CEP43: variants seen among roughly 807,000 people sequenced by gnomAD.
The protein encoded by CEP43 is centrosomal protein 43.
In CEP43, 36 loss-of-function variants were observed where a neutral mutation model predicts 52.6. That is an observed-to-expected ratio of 0.68 (90% CI 0.52 to 0.90). The LOEUF (loss-of-function observed/expected upper bound fraction) is 0.90. CEP43 is among the 40% of genes least tolerant of loss of function. The pLI is 0.00. For missense variants in CEP43, 506 were observed against 472.8 expected (o/e 1.07, Z -0.65); for synonymous variants, 192 against 172.4 (o/e 1.11, Z -0.89).
At chr6:167,002,421 A>G (rs1040035037) in intron 2 of CEP43, among the ~76,000 whole-genome samples, 1 of 152,226 alleles carries the variant, frequency 6.6e-6, no homozygotes, top group Non-Finnish European at 1.5e-5. Flanking sequence ...ATTACAAATA[A>G]GGTTTCTGTG....
Position 167,004,378 on chromosome 6 carries a change from GA to G in CEP43, c.420del (p.Pro142GlnfsTer89). 1.3e-6 allele frequency: 2 copies of G among 1,596,596 alleles called. No individual in the cohort carries two copies. The highest frequency in any genetic ancestry group is 8.5e-7 in the Non-Finnish European group (1 of 1,172,520). On this transcript the variant is annotated frameshift_variant, in exon 5 of 13. Coordinates refer to ENST00000366847, the MANE Select transcript of CEP43 (RefSeq NM_007045.4). LOFTEE classifies it high-confidence loss of function. ...AGTGATCAGGCGCTGTCAACAGAAA[GA>G]AAAAGGGCCAACCACTGGGGAAGTA... ...LEVIRRCQQK[E>X]KGPTTGEGAL...
intron 5 of CEP43, among the ~76,000 whole-genome samples, chr6:167,009,499 C>CAAAAAAAAAAAAAAAAAA (rs139374939): frequency 2.3e-5 from 1 of 44,126 alleles, no homozygotes; most frequent in Non-Finnish European, 3.6e-5. Flanking sequence ...GACTCTGTCT[C>CAAAAAAAAAAAAAAAAAA]AAAAAAAAAA....
chr6:167,019,413 ATCTT>A (rs1780176452), intron 7 of CEP43, among the ~76,000 whole-genome samples: 1 of 152,150 alleles, frequency 6.6e-6, no homozygotes, highest in Non-Finnish European at 1.5e-5. Flanking sequence ...TTGATGACAA[ATCTT>A]TCTCCTCTTC....
intron 10 of CEP43, among the ~76,000 whole-genome samples, chr6:167,030,172 T>C (rs1352459061): frequency 6.6e-6 from 1 of 152,240 alleles, no homozygotes; most frequent in Admixed American, 6.5e-5. Context: ...TTGAATTGGC[T>C]ACAAATGCTG....
Position 167,040,029 on chromosome 6 carries a change from C to T in CEP43, c.*51C>T. On this transcript the variant is annotated 3_prime_UTR_variant, in exon 13 of 13. Coordinates refer to ENST00000366847, the MANE Select transcript of CEP43 (RefSeq NM_007045.4). ...AACAAGGACAGAGGACTGACCGGTT[C>T]CATTTTTTTTTTTTCCAGACAATCA... The T allele has an allele frequency of 6.6e-7, 1 of 1,516,840 alleles. No homozygotes were observed. Among genetic ancestry groups the T allele is most frequent in the Non-Finnish European group, 8.9e-7 (1 of 1,129,676 alleles). 94.0% of individuals were successfully genotyped at this position (1,516,840 alleles called of 1,614,324 possible).
Position 167,033,861 on chromosome 6 carries a change from C to T in CEP43, c.1029-14C>T. ...TTTCAGAGTTCTTATTTTTTTTTCC[C>T]CTTCTGAAATTAGTACCAGCCATCG... On this transcript the variant is annotated splice_polypyrimidine_tract_variant and intron_variant, in intron 11 of 12. Coordinates refer to ENST00000366847, the MANE Select transcript of CEP43 (RefSeq NM_007045.4). 3.7e-6 allele frequency: 5 copies of T among 1,351,378 alleles called. No homozygotes were observed. Among genetic ancestry groups the T allele is most frequent in the Middle Eastern group, 1.8e-4 (1 of 5,418 alleles). 83.7% of individuals were successfully genotyped at this position (1,351,378 alleles called of 1,614,324 possible).
At chr6:167,015,162 G>C (rs1292591460) in intron 7 of CEP43, among the ~76,000 whole-genome samples, 1 of 146,118 alleles carries the variant, frequency 6.8e-6, no homozygotes, top group Non-Finnish European at 1.5e-5. Flanking sequence ...GAATCTAGGT[G>C]GGCCCATATC....
chr6:167,041,759 T>C lies in CEP43; in HGVS notation c.*1781T>C. ...CGCAGAGAATCAGACCTTTTGATAA[T>C]ATTTGGGAGGGTAAAAGAAATATGC... On this transcript the variant is annotated 3_prime_UTR_variant, in exon 13 of 13. Transcript: ENST00000366847. 2.0e-6 allele frequency: 2 copies of C among 1,023,086 alleles called. No homozygotes were observed. The highest frequency in any genetic ancestry group is 2.3e-6 in the Non-Finnish European group (2 of 853,630). 63.4% of individuals were successfully genotyped at this position (1,023,086 alleles called of 1,614,324 possible). A position where few individuals can be genotyped will look rare whatever the true frequency, so the allele number is the denominator to read the frequency against.
At chr6:167,038,996 T>C (rs1276740992) in intron 12 of CEP43, among the ~76,000 whole-genome samples, 1 of 152,196 alleles carries the variant, frequency 6.6e-6, no homozygotes, top group Non-Finnish European at 1.5e-5. Context: ...GTATCATTCT[T>C]ATGCCATTGC....
At chr6:167,029,677 A>C (rs1012722479) in intron 10 of CEP43, among the ~76,000 whole-genome samples, 1 of 152,256 alleles carries the variant, frequency 6.6e-6, no homozygotes, top group Non-Finnish European at 1.5e-5. Context: ...CACATTATTC[A>C]GTAAATATCT....
chr6:167,014,817 A>T (rs962224047), intron 7 of CEP43, among the ~76,000 whole-genome samples: 3 of 152,278 alleles, frequency 2.0e-5, no homozygotes, highest in Non-Finnish European at 4.4e-5. Context: ...CATTTAACAC[A>T]GTTCTCACTT....
chr6:167,028,399 T>C (rs1780398515), intron 10 of CEP43: 1 of 985,258 alleles, frequency 1.0e-6, no homozygotes, highest in South Asian at 4.7e-5. Flanking sequence ...CGGGTTGGAA[T>C]TGGGGTAGTT....
chr6:167,033,097 C>CTTTT (rs1562533056), intron 11 of CEP43, among the ~76,000 whole-genome samples: 15 of 94,576 alleles, frequency 1.6e-4, no homozygotes, highest in African/African-American at 6.0e-4. Context: ...GATTGCCATT[C>CTTTT]TCTTTTTTTT....
rs1249017967 is a variant in CEP43 at position 167,051,985 on chromosome 6, C to T, written c.*12007C>T. 4.6e-5 allele frequency: 7 copies of T among 151,894 alleles called. No individual in the cohort carries two copies. The highest frequency in any genetic ancestry group is 7.2e-5 in the African/African-American group (3 of 41,404). The allele number at this position is 151,894 out of a possible 1,614,324, so 9.4% of individuals were successfully genotyped here. On this transcript the variant is annotated 3_prime_UTR_variant, in exon 13 of 13. Transcript: ENST00000366847. Reference sequence around the variant, plus strand: ...TTTAATTTTTGTTTTCTATATGTCTCGTGTTTTTGTGGCTTTGCTTCTTCT... The same window carrying T: ...TTTAATTTTTGTTTTCTATATGTCTTGTGTTTTTGTGGCTTTGCTTCTTCT...
chr6:167,000,153 A>G, intron 2 of CEP43, 40 bp downstream of exon 2: 1 of 1,428,948 alleles, frequency 7.0e-7, no homozygotes, highest in Non-Finnish European at 9.7e-7. Flanking sequence ...GTATTCGTTA[A>G]TACTTAATTT....
chr6:167,025,365 G>A (rs1395265346), intron 9 of CEP43, among the ~76,000 whole-genome samples: 1 of 152,168 alleles, frequency 6.6e-6, no homozygotes, highest in Non-Finnish European at 1.5e-5. Flanking sequence ...GAGCTAAAGA[G>A]CACTGGTTAC....
At position 167,022,533 on chromosome 6, in the gene CEP43, T is replaced by G. The variant is rs1468764692; in HGVS notation, c.704T>G (p.Leu235Ter). Reference sequence around the variant, plus strand: ...GGATCTTTTCTAAGCAACAGAACTTTAGATGGCAAAGACAAAGCTGGCCTT... The same window carrying G: ...GGATCTTTTCTAAGCAACAGAACTTGAGATGGCAAAGACAAAGCTGGCCTT... The part of the protein sequence containing the change: ...KIGSFLSNRT[L>*]DGKDKAGLCP... Residue 235 changes from leucine (L) to a stop codon, truncating the protein, a stop_gained, in exon 8 of 13, where the codon TTA becomes TGA. Coordinates refer to ENST00000366847, the MANE Select transcript of CEP43 (RefSeq NM_007045.4). LOFTEE classifies it high-confidence loss of function. 1.9e-6 allele frequency: 3 copies of G among 1,614,050 alleles called. No individual in the cohort carries two copies. The highest frequency in any genetic ancestry group is 2.5e-6 in the Non-Finnish European group (3 of 1,179,982).
intron 10 of CEP43, among the ~76,000 whole-genome samples, chr6:167,030,018 C>A (rs551501827): frequency 1.4e-4 from 21 of 152,336 alleles, no homozygotes; most frequent in Admixed American, 2.6e-4. Flanking sequence ...AGAAACAAAT[C>A]ACAATGGTGG....
chr6:167,036,446 A>G (rs913880022), intron 12 of CEP43: 63 of 985,330 alleles, frequency 6.4e-5, no homozygotes, highest in Non-Finnish European at 7.1e-5. Flanking sequence ...TAGTCTCTGC[A>G]CGGGAGCCAG....
Sources: gnomAD v4.1 joint callset for allele counts (sites outside exome capture counted in the v4.1 genomes callset) on GRCh38, gnomAD v4.1.1 for gene constraint, MANE v1.5 for transcripts, NCBI Gene and HGNC (gene_info 2026-07-23, HGNC 2026-07-21) for gene names.